AKAP13: variants seen among roughly 807,000 people sequenced by gnomAD.
The protein encoded by AKAP13 is A-kinase anchoring protein 13, also known as A-kinase anchor protein 13.
In AKAP13, 80 loss-of-function variants were observed where a neutral mutation model predicts 264.5. That is an observed-to-expected ratio of 0.30 (90% CI 0.25 to 0.36). AKAP13 has a LOEUF of 0.36. Among genes scored for constraint, AKAP13 ranks in the 10% least tolerant of loss-of-function variants. The probability of loss-of-function intolerance (pLI) is 1.00; values close to 1 mark genes in which losing one functional copy is unlikely to be tolerated. For synonymous variants in AKAP13, 1,380 were observed against 1,250.2 expected (o/e 1.10, Z -2.19); for missense variants, 3,712 against 3,435.2 (o/e 1.08, Z -2.01).
At chr15:85,692,250 C>T (rs1005258690) in intron 16 of AKAP13, among the ~76,000 whole-genome samples, 3 of 152,168 alleles carry the variant, frequency 2.0e-5, no homozygotes, top group Admixed American at 1.3e-4. Flanking sequence ...TAATGAAACT[C>T]ATTTCCAGTA....
intron 12 of AKAP13, among the ~76,000 whole-genome samples, chr15:85,659,761 C>T (rs1402418360): frequency 2.6e-5 from 4 of 152,172 alleles, no homozygotes; most frequent in African/African-American, 7.2e-5. Context: ...CAGCCAGTTT[C>T]ATCCCTAGTG....
Position 85,504,531 on chromosome 15 carries a change from A to AAAAAG in AKAP13, c.34-16892_34-16888dup, listed in dbSNP as rs1387696582. 1.2e-4 allele frequency among the ~76,000 whole-genome samples: 15 copies of AAAAAG among 121,234 alleles called. No homozygotes were observed. In the East Asian group the frequency reaches 1.7e-3, roughly 14 times the overall value. 79.5% of individuals were successfully genotyped at this position (121,234 alleles called of 152,430 possible). On this transcript the variant is annotated intron_variant, in intron 2 of 36. Coordinates refer to ENST00000394518, the MANE Select transcript of AKAP13 (RefSeq NM_007200.5). Reference sequence around the variant, plus strand: ...AAAAAAAAAAAAAAAAAAAAAAAAAAAAAAGAAAAAATTAGCCAGGCATGG... The same window carrying AAAAAG: ...AAAAAAAAAAAAAAAAAAAAAAAAAAAAAAGAAAAGAAAAAATTAGCCAGGCATGG...
At chr15:85,528,304 C>T (rs567998552) in intron 3 of AKAP13, among the ~76,000 whole-genome samples, 1 of 152,208 alleles carries the variant, frequency 6.6e-6, no homozygotes, top group East Asian at 1.9e-4. Flanking sequence ...CCTAGGTGCT[C>T]CTTGTGTTTT....
intron 2 of AKAP13, among the ~76,000 whole-genome samples, chr15:85,494,789 T>C (rs1488176346): frequency 6.6e-6 from 1 of 152,172 alleles, no homozygotes; most frequent in African/African-American, 2.4e-5. Context: ...AGGTCCCTAA[T>C]TGGTTTGAAT....
chr15:85,729,651 C>T (rs531619187), intron 29 of AKAP13, among the ~76,000 whole-genome samples: 2 of 152,038 alleles, frequency 1.3e-5, no homozygotes, highest in Admixed American at 1.3e-4. Context: ...AAGAAGACAG[C>T]TCAGGCCAGG....
chr15:85,523,337 A>G (rs920001459), intron 3 of AKAP13, among the ~76,000 whole-genome samples: 6 of 152,014 alleles, frequency 3.9e-5, no homozygotes, highest in Admixed American at 3.3e-4. Flanking sequence ...CTTGTTTTGC[A>G]TTTCTTGTTT....
At chr15:85,736,912 C>CT (rs11407996) in intron 33 of AKAP13, among the ~76,000 whole-genome samples, 51,844 of 98,078 alleles carry the variant, frequency 0.53, 15,111 homozygotes, top group East Asian at 0.71. Flanking sequence ...ATATCATCAT[C>CT]TTTTTTTTTT....
chr15:85,454,521 G>A (rs1567065358), intron 1 of AKAP13, among the ~76,000 whole-genome samples: 1 of 152,070 alleles, frequency 6.6e-6, no homozygotes, highest in Non-Finnish European at 1.5e-5. Flanking sequence ...ATCCCAATGA[G>A]AGTACCTGGA....
chr15:85,639,987 C>T (rs1297686319), intron 9 of AKAP13, among the ~76,000 whole-genome samples: 1 of 152,154 alleles, frequency 6.6e-6, no homozygotes, highest in Non-Finnish European at 1.5e-5. Context: ...TCCTTAAGTA[C>T]CTTTGAGTTA....
chr15:85,464,431 C>A (rs1377826051), intron 1 of AKAP13, among the ~76,000 whole-genome samples: 1 of 152,150 alleles, frequency 6.6e-6, no homozygotes, highest in Non-Finnish European at 1.5e-5. Flanking sequence ...TGGATAATAT[C>A]TATTCCTGAG....
chr15:85,734,929 A>G (rs2088330275), intron 30 of AKAP13, 63 bp from the exon 31 acceptor site: 5 of 1,582,860 alleles, frequency 3.2e-6, no homozygotes, highest in South Asian at 2.3e-5. Context: ...CATATATACT[A>G]TGAACTTGTT....
intron 1 of AKAP13, among the ~76,000 whole-genome samples, chr15:85,381,111 C>G (rs2083397493): frequency 1.3e-5 from 2 of 152,058 alleles, no homozygotes; most frequent in African/African-American, 2.4e-5. Flanking sequence ...GCCCGGCCGC[C>G]GATGCTACCT....
chr15:85,620,134 T>C, intron 8 of AKAP13: 1 of 1,536,088 alleles, frequency 6.5e-7, no homozygotes, highest in Non-Finnish European at 8.7e-7. Context: ...CTGTGACATC[T>C]CCAAGGTGGA....
chr15:85,560,325 A>G (rs1455884683), intron 5 of AKAP13, among the ~76,000 whole-genome samples: 3 of 151,542 alleles, frequency 2.0e-5, no homozygotes, highest in Non-Finnish European at 4.4e-5. Context: ...TTTTTTTTGC[A>G]AAGAGTGGGG....
chr15:85,537,767 T>A (rs2077448980), intron 4 of AKAP13, among the ~76,000 whole-genome samples: 1 of 152,180 alleles, frequency 6.6e-6, no homozygotes, highest in African/African-American at 2.4e-5. Context: ...ATCTGTGAAA[T>A]GGGGGAAAGT....
chr15:85,534,571 A>T (rs1470173219), intron 4 of AKAP13: 1 of 151,196 alleles, frequency 6.6e-6, no homozygotes, highest in Non-Finnish European at 1.5e-5. Context: ...AATAGCTGGG[A>T]TTACAGGCAT....
intron 17 of AKAP13, among the ~76,000 whole-genome samples, chr15:85,697,223 A>G (rs2085613385): frequency 6.6e-6 from 1 of 152,194 alleles, no homozygotes; most frequent in Admixed American, 6.5e-5. Context: ...CCACATAAGG[A>G]AGTAAACCAC....
chr15:85,600,625 TAAAC>T (rs904536547), intron 8 of AKAP13, among the ~76,000 whole-genome samples: 5 of 152,208 alleles, frequency 3.3e-5, no homozygotes, highest in African/African-American at 1.2e-4. Flanking sequence ...TTCTTTTTAA[TAAAC>T]AAATAGTAAT....
At chr15:85,499,947 T>C (rs1354624927) in intron 2 of AKAP13, among the ~76,000 whole-genome samples, 1 of 152,236 alleles carries the variant, frequency 6.6e-6, no homozygotes, top group Non-Finnish European at 1.5e-5. Flanking sequence ...ATCACAGTAC[T>C]TTGTGCATCA....
Sources: gnomAD v4.1 joint callset for allele counts (sites outside exome capture counted in the v4.1 genomes callset) on GRCh38, gnomAD v4.1.1 for gene constraint, MANE v1.5 for transcripts, NCBI Gene and HGNC (gene_info 2026-07-23, HGNC 2026-07-21) for gene names.